The following IBTK variants were observed in gnomAD, a reference collection of about 807,000 sequenced individuals.
IBTK encodes BTK-binding protein.
Under a neutral mutation model 154.9 loss-of-function variants are expected in IBTK, and 83 were observed. That is an observed-to-expected ratio of 0.54 (90% CI 0.45 to 0.64). The LOEUF is 0.64. Ranked by LOEUF, IBTK falls within the 30% of genes least tolerant of loss-of-function variation. IBTK has a pLI of 0.00. For synonymous variants in IBTK, 515 were observed against 536.1 expected (o/e 0.96, Z 0.54); for missense variants, 1,332 against 1,584.6 (o/e 0.84, Z 2.71).
chr6:82,211,701 A>G lies in IBTK; in HGVS notation c.2292-129T>C, dbSNP rs1422175526. 5 of 659,834 alleles carry G rather than the reference A, an allele frequency of 7.6e-6. No homozygotes were observed. In the African/African-American group the frequency reaches 9.1e-5, roughly 12 times the overall value. The allele number at this position is 659,834 out of a possible 1,614,324, so 40.9% of individuals were successfully genotyped here. A position where few individuals can be genotyped will look rare whatever the true frequency, so the allele number is the denominator to read the frequency against. On this transcript the variant is annotated intron_variant, in intron 13 of 28. Coordinates refer to ENST00000306270, the MANE Select transcript of IBTK (RefSeq NM_015525.4). ...GAGAATAAATAACTTGCAGGAATAC[A>G]TACAATAAAATACTTCATCTTTTTC...
intron 2 of IBTK, among the ~76,000 whole-genome samples, chr6:82,238,365 C>T (rs999443667): frequency 3.9e-5 from 6 of 152,014 alleles, no homozygotes; most frequent in African/African-American, 9.7e-5. Flanking sequence ...TATTTCAAAA[C>T]GCTTTATTAT....
intron 4 of IBTK, among the ~76,000 whole-genome samples, chr6:82,230,594 A>T (rs750395601): frequency 2.6e-5 from 4 of 152,208 alleles, no homozygotes; most frequent in Non-Finnish European, 4.4e-5. Flanking sequence ...GCTCTGAGGT[A>T]TCATCTTCAG....
intron 25 of IBTK, among the ~76,000 whole-genome samples, chr6:82,184,076 G>A (rs1163022431): frequency 6.6e-6 from 1 of 152,302 alleles, no homozygotes; most frequent in East Asian, 1.9e-4. Flanking sequence ...AACTAAGATT[G>A]TGTGATACTG....
rs901088025 is a variant in IBTK, at chr6:82,225,645, G to A, written c.657C>T (p.Val219=). 2 of 1,601,968 alleles carry A rather than the reference G, an allele frequency of 1.2e-6. No homozygotes were observed. Among genetic ancestry groups the A allele is most frequent in the Non-Finnish European group, 8.5e-7 (1 of 1,176,444 alleles). ...CATTCAGTCCTTCCACAAGCCGAGG[G>A]ACCTACAAAATAAAATTAACTTTAG... ...LGHGDEQTCL[V]PRLVEGLNGH... The change falls in exon 6 of 29, where the codon GTC becomes GTT. Residue 219 remains valine, a splice_region_variant and synonymous_variant. Coordinates refer to ENST00000306270, the MANE Select transcript of IBTK (RefSeq NM_015525.4).
At chr6:82,193,139 C>G (rs1768842620) in intron 23 of IBTK, among the ~76,000 whole-genome samples, 1 of 151,768 alleles carries the variant, frequency 6.6e-6, no homozygotes, top group Non-Finnish European at 1.5e-5. Context: ...TAAAGGGAAC[C>G]TGTTTCCTGT....
At chr6:82,205,535 A>C (rs2127810038) in intron 16 of IBTK, 1 of 152,510 alleles carries the variant, frequency 6.6e-6, no homozygotes, top group South Asian at 2.1e-4. Flanking sequence ...TGGGAGGTGG[A>C]GGCAGACCGA....
chr6:82,227,027 C>T, intron 5 of IBTK, 165 bp downstream of exon 5: 2 of 505,176 alleles, frequency 4.0e-6, no homozygotes, highest in South Asian at 3.2e-5. Flanking sequence ...TATGTAAATC[C>T]TTAATTTAAA....
At chr6:82,233,470 CAATTAT>C (rs1770593809) in intron 3 of IBTK, among the ~76,000 whole-genome samples, 1 of 152,090 alleles carries the variant, frequency 6.6e-6, no homozygotes, top group Admixed American at 6.6e-5. Flanking sequence ...ACAGTAGTTA[CAATTAT>C]AACAGTCCTC....
Position 82,194,623 on chromosome 6 carries a change from A to G in IBTK, c.3194T>C (p.Val1065Ala), listed in dbSNP as rs774786142. The change falls in exon 23 of 29, where the codon GTT becomes GCT. Residue 1065 changes from valine (V) to alanine (A), a missense_variant. By Grantham distance (64) the Val-to-Ala change is moderately conservative. This residue lies in a region of IBTK where 1,134 missense variants were observed against 1,274.7 expected (regional missense o/e 0.89). Transcript: ENST00000306270. ...DKIEAKVKPY[V>A]NGTSPVYSRE... is the part of the protein sequence containing the mutation. ...AGAATACACAGGAGATGTACCATTA[A>G]CATACGGTTTGACTTTCGCCTGGGG... 6.3e-7 allele frequency: 1 copy of G among 1,588,132 alleles called. No individual in the cohort carries two copies. The highest frequency in any genetic ancestry group is 1.2e-5 in the South Asian group (1 of 84,894).
At position 82,196,390 on chromosome 6, in the gene IBTK, A is replaced by T; in HGVS notation, c.3082T>A (p.Ser1028Thr). 6.2e-7 allele frequency: 1 copy of T among 1,612,630 alleles called. No individual in the cohort carries two copies. Among genetic ancestry groups the T allele is most frequent in the Admixed American group, 1.7e-5 (1 of 59,956 alleles). The change falls in exon 22 of 29, where the codon TCA becomes ACA. Residue 1028 changes from serine to threonine, a missense_variant. By Grantham distance (58) the Ser-to-Thr change is moderately conservative. Transcript: ENST00000306270. ...CCTGCATAGCTTCCTTCAGAGTCTG[A>T]TGTCAACAGTTCTGGAAGAGATTCC... ...SVESLPELLTSDSEGSYAGVG... is the reference protein window; with the variant it reads ...SVESLPELLTTDSEGSYAGVG...
intron 21 of IBTK, among the ~76,000 whole-genome samples, chr6:82,199,586 C>T (rs1769122133): frequency 1.3e-5 from 2 of 152,000 alleles, no homozygotes; most frequent in South Asian, 2.1e-4. Context: ...ATTGAATCAA[C>T]ATGATAATAG....
At chr6:82,246,445 T>C (rs928984290) in intron 1 of IBTK, among the ~76,000 whole-genome samples, 2 of 142,596 alleles carry the variant, frequency 1.4e-5, no homozygotes, top group South Asian at 2.4e-4. Context: ...AGGCATCTTT[T>C]TTTTTTTTTT....
At chr6:82,203,251 A>G (rs891630562) in intron 17 of IBTK, among the ~76,000 whole-genome samples, 3 of 152,138 alleles carry the variant, frequency 2.0e-5, no homozygotes, top group Non-Finnish European at 4.4e-5. Context: ...GGATTTAGTT[A>G]CAATTGTAGT....
At chr6:82,224,283 C>T (rs1359037409) in intron 6 of IBTK, 98 bp from the exon 7 acceptor site, 1 of 828,460 alleles carries the variant, frequency 1.2e-6, no homozygotes, top group East Asian at 2.5e-5. Flanking sequence ...GGTATACTTG[C>T]TGTTAGTGGT....
At chr6:82,238,239 G>A (rs908942320) in intron 2 of IBTK, among the ~76,000 whole-genome samples, 9 of 150,838 alleles carry the variant, frequency 6.0e-5, no homozygotes, top group South Asian at 2.1e-4. Context: ...GCAAGACTCC[G>A]TCGCAAAAAA....
At chr6:82,215,396 A>T (rs1455026622) in intron 11 of IBTK, among the ~76,000 whole-genome samples, 3 of 152,206 alleles carry the variant, frequency 2.0e-5, no homozygotes, top group Non-Finnish European at 4.4e-5. Context: ...GCCAATTCTC[A>T]TCATATTCAA....
intron 2 of IBTK, among the ~76,000 whole-genome samples, chr6:82,237,661 G>GCA (rs1554188041): frequency 1.4e-5 from 2 of 143,674 alleles, no homozygotes; most frequent in African/African-American, 5.1e-5. Context: ...AGATAGTAGT[G>GCA]GTAGTAGTAG....
intron 2 of IBTK, among the ~76,000 whole-genome samples, chr6:82,234,772 A>C (rs1216357319): frequency 6.6e-6 from 1 of 152,232 alleles, no homozygotes; most frequent in Non-Finnish European, 1.5e-5. Context: ...AAGAAAAATC[A>C]CATATCCGAC....
At chr6:82,203,472 C>A (rs755717123) in intron 17 of IBTK, among the ~76,000 whole-genome samples, 28 of 152,100 alleles carry the variant, frequency 1.8e-4, no homozygotes, top group Non-Finnish European at 3.8e-4. Flanking sequence ...GTTGCAACTG[C>A]AGTCAATAAT....
Sources: gnomAD v4.1 joint callset for allele counts (sites outside exome capture counted in the v4.1 genomes callset) on GRCh38, gnomAD v4.1.1 for gene constraint, gnomAD v4.1.1 regional missense constraint, MANE v1.5 for transcripts, NCBI Gene and HGNC (gene_info 2026-07-23, HGNC 2026-07-21) for gene names.